The following OTUD1 variants were observed in gnomAD, a reference collection of about 807,000 sequenced individuals.
The protein encoded by OTUD1 is OTU deubiquitinase 1.
OTUD1 carries 15 observed loss-of-function variants against 30.0 expected under a neutral mutation model. That is an observed-to-expected ratio of 0.50 (90% CI 0.33 to 0.77). OTUD1 has a LOEUF of 0.77. Ranked by LOEUF, OTUD1 falls within the 30% of genes least tolerant of loss-of-function variation. The probability of loss-of-function intolerance (pLI) is 0.02; values close to 1 mark genes in which losing one functional copy is unlikely to be tolerated. For missense variants in OTUD1, 796 were observed against 697.8 expected (o/e 1.14, Z -1.59); for synonymous variants, 381 against 326.3 (o/e 1.17, Z -1.81).
rs2132479512 is a variant in OTUD1, at chr10:23,439,203, G to A, written c.-255G>A. On this transcript the variant is annotated 5_prime_UTR_variant, in exon 1 of 1. Transcript: ENST00000376495. Reference sequence around the variant, plus strand: ...AGCGGGCGCGGCGCCCCGGGTCTGCGGGCCGAGCGCACCGGCAGGGGTCGA... The same window carrying A: ...AGCGGGCGCGGCGCCCCGGGTCTGCAGGCCGAGCGCACCGGCAGGGGTCGA... 6.6e-6 allele frequency among the ~76,000 whole-genome samples: 1 copy of A among 151,102 alleles called. No individual in the cohort carries two copies. Among genetic ancestry groups the A allele is most frequent in the Middle Eastern group, 3.5e-3 (1 of 284 alleles).
In OTUD1 at chr10:23,439,747, G is replaced by T; in HGVS notation, c.290G>T (p.Gly97Val). The T allele has an allele frequency of 8.6e-7, 1 of 1,165,196 alleles. No homozygotes were observed. The highest frequency in any genetic ancestry group is 1.1e-6 in the Non-Finnish European group (1 of 948,830). The allele number at this position is 1,165,196 out of a possible 1,614,324, so 72.2% of individuals were successfully genotyped here. A position where few individuals can be genotyped will look rare whatever the true frequency, so the allele number is the denominator to read the frequency against. ...GCCTCCGCCGCCGCCGGCCCGCCCG[G>T]CGCGTCCTGCAAGCCGCCGCTGCCG... is the stretch of plus-strand genomic sequence containing the variant. ...APASAAAGPPGASCKPPLPPH... is the reference protein window; with the variant it reads ...APASAAAGPPVASCKPPLPPH... Residue 97 changes from glycine (G) to valine (V), a missense_variant, in exon 1 of 1, where the codon GGC (glycine) becomes GTC (valine). Physicochemically the swap from Gly to Val is moderately radical, Grantham distance 109. Transcript: ENST00000376495.
chr10:23,439,641 CG>C lies in OTUD1; in HGVS notation c.187del (p.Glu63LysfsTer133). ...CCAGCCCGCCGCGGCCGCCGAGCAC[CG>C]GGAAGCCGCCGCTGTCCCCGCCGCC... ...ECQPAAAAEHREAAAVPAAKM... is the reference protein window; with the variant it reads ...ECQPAAAAEHXEAAAVPAAKM... On this transcript the variant is annotated frameshift_variant, in exon 1 of 1. Transcript: ENST00000376495. LOFTEE classifies it high-confidence loss of function. 1 of 1,299,510 alleles carries C rather than the reference CG, an allele frequency of 7.7e-7. No homozygotes were observed. The highest frequency in any genetic ancestry group is 1.9e-5 in the South Asian group (1 of 53,748). The allele number at this position is 1,299,510 out of a possible 1,614,324, so 80.5% of individuals were successfully genotyped here.
At position 23,439,778 on chromosome 10, in the gene OTUD1, C is replaced by T; in HGVS notation, c.321C>T (p.His107=). 8.6e-7 allele frequency: 1 copy of T among 1,157,652 alleles called. No individual in the cohort carries two copies. Among genetic ancestry groups the T allele is most frequent in the Non-Finnish European group, 1.1e-6 (1 of 942,480 alleles). The allele number at this position is 1,157,652 out of a possible 1,614,324, so 71.7% of individuals were successfully genotyped here. ...CCTGCAAGCCGCCGCTGCCGCCGCA[C>T]TACACGTCCACCGCACAGATCACCG... is the stretch of plus-strand genomic sequence containing the variant. The part of the protein sequence containing the change: ...GASCKPPLPP[H]YTSTAQITVR... The change falls in exon 1 of 1, where the codon CAC becomes CAT. Residue 107 remains histidine (H), a synonymous_variant. Coordinates refer to ENST00000376495, the MANE Select transcript of OTUD1 (RefSeq NM_001145373.3).
rs1847109472 is a variant in OTUD1 at position 23,439,993 on chromosome 10, C to G, written c.536C>G (p.Pro179Arg). 1.5e-6 allele frequency: 2 copies of G among 1,371,416 alleles called. No homozygotes were observed. Among genetic ancestry groups the G allele is most frequent in the African/African-American group, 1.5e-5 (1 of 66,214 alleles). 85.0% of individuals were successfully genotyped at this position (1,371,416 alleles called of 1,614,324 possible). The change falls in exon 1 of 1, where the codon CCC (proline) becomes CGC (arginine). Residue 179 changes from proline to arginine, a missense_variant. By Grantham distance (103) the Pro-to-Arg change is moderately radical. Transcript: ENST00000376495. ...CTGCTGCGGCCCGACTGCCCCGAGC[C>G]CGCGGGCTTGGACGCGACACGGGAG... ...EELLRPDCPE[P>R]AGLDATREGP...
In OTUD1 at chr10:23,439,524, C is replaced by T. The variant is rs1847102083; in HGVS notation, c.67C>T (p.Pro23Ser). 7.3e-7 allele frequency: 1 copy of T among 1,366,136 alleles called. No individual in the cohort carries two copies. The allele number at this position is 1,366,136 out of a possible 1,614,324, so 84.6% of individuals were successfully genotyped here. A position where few individuals can be genotyped will look rare whatever the true frequency, so the allele number is the denominator to read the frequency against. Residue 23 changes from proline (P) to serine (S), a missense_variant, in exon 1 of 1, where the codon CCC (proline) becomes TCC (serine). Pro to Ser is a moderately conservative substitution (Grantham distance 74). Transcript: ENST00000376495. ...AGAPGPTAAA[P>S]APPAAATPFK... ...GGCCCCGGGTCCCACGGCCGCCGCC[C>T]CCGCGCCACCCGCCGCCGCTACCCC...
Position 23,440,147 on chromosome 10 carries a change from G to T in OTUD1, c.690G>T (p.Ala230=), listed in dbSNP as rs757690695. 2 of 1,439,072 alleles carry T rather than the reference G, an allele frequency of 1.4e-6. No individual in the cohort carries two copies. Among genetic ancestry groups the T allele is most frequent in the Non-Finnish European group, 1.8e-6 (2 of 1,102,616 alleles). 89.1% of individuals were successfully genotyped at this position (1,439,072 alleles called of 1,614,324 possible). A position where few individuals can be genotyped will look rare whatever the true frequency, so the allele number is the denominator to read the frequency against. ...GPGPWGEEHL[A]ERGPRGWERG... is the part of the protein sequence containing the mutation. Reference sequence around the variant, plus strand: ...GTCCGTGGGGCGAAGAGCACTTGGCGGAGAGGGGCCCCAGGGGCTGGGAGA... The same window carrying T: ...GTCCGTGGGGCGAAGAGCACTTGGCTGAGAGGGGCCCCAGGGGCTGGGAGA... Residue 230 remains alanine (A), a synonymous_variant, in exon 1 of 1, where the codon GCG becomes GCT. Coordinates refer to ENST00000376495, the MANE Select transcript of OTUD1 (RefSeq NM_001145373.3).
In OTUD1 at chr10:23,439,193, C is replaced by T. The variant is rs1480363193; in HGVS notation, c.-265C>T. 1.3e-5 allele frequency among the ~76,000 whole-genome samples: 2 copies of T among 151,358 alleles called. No homozygotes were observed. Among genetic ancestry groups the T allele is most frequent in the East Asian group, 3.9e-4 (2 of 5,118 alleles). On this transcript the variant is annotated 5_prime_UTR_variant, in exon 1 of 1. Coordinates refer to ENST00000376495, the MANE Select transcript of OTUD1 (RefSeq NM_001145373.3). Reference sequence around the variant, plus strand: ...AAGCAGCTGCAGCGGGCGCGGCGCCCCGGGTCTGCGGGCCGAGCGCACCGG... The same window carrying T: ...AAGCAGCTGCAGCGGGCGCGGCGCCTCGGGTCTGCGGGCCGAGCGCACCGG...
chr10:23,441,200 T>C lies in OTUD1; in HGVS notation c.*297T>C. On this transcript the variant is annotated 3_prime_UTR_variant, in exon 1 of 1. Transcript: ENST00000376495. ...ACAGTGTAAATTTGTTCATTCCTGG[T>C]AGTCTATTTTCTATAAAAATGTATT... is the stretch of plus-strand genomic sequence containing the variant. 1 of 333,752 alleles carries C rather than the reference T, an allele frequency of 3.0e-6. No homozygotes were observed. The highest frequency in any genetic ancestry group is 5.8e-6 in the Non-Finnish European group (1 of 173,164). 20.7% of individuals were successfully genotyped at this position (333,752 alleles called of 1,614,324 possible). A position where few individuals can be genotyped will look rare whatever the true frequency, so the allele number is the denominator to read the frequency against.
rs1847133871 is a variant in OTUD1, at chr10:23,441,981, G to C, written c.*1078G>C. ...TAAACAGAGCTTGTATGGTTTGCTG[G>C]GTCAAACAATGTTTCCAACTTAAAA... is the stretch of plus-strand genomic sequence containing the variant. On this transcript the variant is annotated 3_prime_UTR_variant, in exon 1 of 1. Transcript: ENST00000376495. 1.2e-5 allele frequency: 2 copies of C among 166,924 alleles called. No homozygotes were observed. The highest frequency in any genetic ancestry group is 1.3e-4 in the Admixed American group (2 of 15,272). The allele number at this position is 166,924 out of a possible 1,614,324, so 10.3% of individuals were successfully genotyped here.
chr10:23,439,337 A>C lies in OTUD1; in HGVS notation c.-121A>C. On this transcript the variant is annotated 5_prime_UTR_variant, in exon 1 of 1. Coordinates refer to ENST00000376495, the MANE Select transcript of OTUD1 (RefSeq NM_001145373.3). ...CGCGGCGGCCGGCTGCCTTTCGCTC[A>C]TCTCTATTCTGGGGCCGTTGGGTCA... 1.1e-6 allele frequency: 1 copy of C among 885,920 alleles called. No individual in the cohort carries two copies. The allele number at this position is 885,920 out of a possible 1,614,324, so 54.9% of individuals were successfully genotyped here.
chr10:23,440,467 G>C lies in OTUD1; in HGVS notation c.1010G>C (p.Arg337Pro), dbSNP rs1235079424. 6.4e-7 allele frequency: 1 copy of C among 1,551,730 alleles called. No homozygotes were observed. The highest frequency in any genetic ancestry group is 2.0e-5 in the Admixed American group (1 of 51,012). Residue 337 changes from arginine to proline, a missense_variant, in exon 1 of 1, where the codon CGG becomes CCG. Transcript: ENST00000376495. ...GTGTATGGGGACCAGAGCCTGCACC[G>C]GGAGTTGAGGGAGCAGACGGTGCAC... ...KTVYGDQSLH[R>P]ELREQTVHYI...
rs1847110520 is a variant in OTUD1 at position 23,440,073 on chromosome 10, A to C, written c.616A>C (p.Lys206Gln). 2 of 1,448,644 alleles carry C rather than the reference A, an allele frequency of 1.4e-6. No individual in the cohort carries two copies. Among genetic ancestry groups the C allele is most frequent in the Non-Finnish European group, 1.8e-6 (2 of 1,107,476 alleles). The allele number at this position is 1,448,644 out of a possible 1,614,324, so 89.7% of individuals were successfully genotyped here. A position where few individuals can be genotyped will look rare whatever the true frequency, so the allele number is the denominator to read the frequency against. ...SEHRQALAAA[K>Q]HRGPAATPGS... ...GCACCGCCAGGCCCTGGCCGCCGCCAAGCACCGAGGCCCCGCGGCGACCCC... is the reference window on the plus strand; with the variant it reads ...GCACCGCCAGGCCCTGGCCGCCGCCCAGCACCGAGGCCCCGCGGCGACCCC... The change falls in exon 1 of 1, where the codon AAG (lysine) becomes CAG (glutamine). Residue 206 changes from lysine to glutamine, a missense_variant. Coordinates refer to ENST00000376495, the MANE Select transcript of OTUD1 (RefSeq NM_001145373.3).
Position 23,440,525 on chromosome 10 carries a change from C to T in OTUD1, c.1068C>T (p.Pro356=), listed in dbSNP as rs199930330. The T allele has an allele frequency of 3.0e-4, 470 of 1,551,634 alleles. 1 individual carries two copies. The highest frequency in any genetic ancestry group is 1.0e-4 in the Non-Finnish European group (120 of 1,147,020). The change falls in exon 1 of 1, where the codon CCC becomes CCT. Residue 356 remains proline (P), a synonymous_variant. Coordinates refer to ENST00000376495, the MANE Select transcript of OTUD1 (RefSeq NM_001145373.3). ...YIADHLDHFS[P]LIEGDVGEFI... ...CCGACCATCTCGACCACTTCAGCCC[C>T]CTGATTGAGGGCGACGTGGGGGAGT...
Position 23,442,074 on chromosome 10 carries a change from A to G in OTUD1, c.*1171A>G, listed in dbSNP as rs1216079205. On this transcript the variant is annotated 3_prime_UTR_variant, in exon 1 of 1. Coordinates refer to ENST00000376495, the MANE Select transcript of OTUD1 (RefSeq NM_001145373.3). Reference sequence around the variant, plus strand: ...AAGTAATGCAGTTTGTACTTTTTTTATTTTGTAACATTTTGTGATTTTTTT... The same window carrying G: ...AAGTAATGCAGTTTGTACTTTTTTTGTTTTGTAACATTTTGTGATTTTTTT... The G allele has an allele frequency of 6.0e-6, 1 of 166,902 alleles. No homozygotes were observed. Among genetic ancestry groups the G allele is most frequent in the Non-Finnish European group, 1.5e-5 (1 of 68,086 alleles). The allele number at this position is 166,902 out of a possible 1,614,324, so 10.3% of individuals were successfully genotyped here. A position where few individuals can be genotyped will look rare whatever the true frequency, so the allele number is the denominator to read the frequency against.
At position 23,439,920 on chromosome 10, in the gene OTUD1, G is replaced by T. The variant is rs868315141; in HGVS notation, c.463G>T (p.Ala155Ser). Residue 155 changes from alanine (A) to serine (S), a missense_variant, in exon 1 of 1, where the codon GCC becomes TCC. Coordinates refer to ENST00000376495, the MANE Select transcript of OTUD1 (RefSeq NM_001145373.3). ...RCLLLAPAPA[A>S]PVPPRRGSSA... is the part of the protein sequence containing the mutation. ...CCTCCTGCTCGCCCCGGCGCCCGCAGCCCCGGTCCCGCCGCGGCGGGGCTC... is the reference window on the plus strand; with the variant it reads ...CCTCCTGCTCGCCCCGGCGCCCGCATCCCCGGTCCCGCCGCGGCGGGGCTC... The T allele has an allele frequency of 2.5e-6, 3 of 1,216,756 alleles. No homozygotes were observed. The highest frequency in any genetic ancestry group is 3.4e-5 in the East Asian group (1 of 29,400). The allele number at this position is 1,216,756 out of a possible 1,614,324, so 75.4% of individuals were successfully genotyped here.
In OTUD1 at chr10:23,439,992, C is replaced by G. The variant is rs1198943187; in HGVS notation, c.535C>G (p.Pro179Ala). 2.2e-6 allele frequency: 3 copies of G among 1,368,828 alleles called. No individual in the cohort carries two copies. In the East Asian group the frequency reaches 9.3e-5, roughly 43 times the overall value. 84.8% of individuals were successfully genotyped at this position (1,368,828 alleles called of 1,614,324 possible). Residue 179 changes from proline to alanine, a missense_variant, in exon 1 of 1, where the codon CCC becomes GCC. Coordinates refer to ENST00000376495, the MANE Select transcript of OTUD1 (RefSeq NM_001145373.3). ...EELLRPDCPE[P>A]AGLDATREGP... Reference sequence around the variant, plus strand: ...GCTGCTGCGGCCCGACTGCCCCGAGCCCGCGGGCTTGGACGCGACACGGGA... The same window carrying G: ...GCTGCTGCGGCCCGACTGCCCCGAGGCCGCGGGCTTGGACGCGACACGGGA...
chr10:23,440,046 G>A lies in OTUD1; in HGVS notation c.589G>A (p.Glu197Lys). ...EGPDRNFRLS[E>K]HRQALAAAKH... is the part of the protein sequence containing the mutation. ...GCCCGATCGGAACTTCCGACTGAGC[G>A]AGCACCGCCAGGCCCTGGCCGCCGC... is the stretch of plus-strand genomic sequence containing the variant. Residue 197 changes from glutamate (E) to lysine (K), a missense_variant, in exon 1 of 1, where the codon GAG (glutamate) becomes AAG (lysine). Physicochemically the swap from Glu to Lys is moderately conservative, Grantham distance 56. Transcript: ENST00000376495. 4.1e-6 allele frequency: 6 copies of A among 1,452,784 alleles called. No individual in the cohort carries two copies. Among genetic ancestry groups the A allele is most frequent in the South Asian group, 1.3e-5 (1 of 74,444 alleles). 90.0% of individuals were successfully genotyped at this position (1,452,784 alleles called of 1,614,324 possible).
Position 23,441,217 on chromosome 10 carries a change from A to G in OTUD1, c.*314A>G. The G allele has an allele frequency of 3.5e-6, 1 of 287,188 alleles. No individual in the cohort carries two copies. The highest frequency in any genetic ancestry group is 7.0e-6 in the Non-Finnish European group (1 of 143,786). The allele number at this position is 287,188 out of a possible 1,614,324, so 17.8% of individuals were successfully genotyped here. ...ATTCCTGGTAGTCTATTTTCTATAA[A>G]AATGTATTTTTGCACAACATTTTTA... On this transcript the variant is annotated 3_prime_UTR_variant, in exon 1 of 1. Transcript: ENST00000376495.
chr10:23,440,297 C>T lies in OTUD1; in HGVS notation c.840C>T (p.Val280=), dbSNP rs1205549224. The T allele has an allele frequency of 8.4e-6, 13 of 1,550,746 alleles. No individual in the cohort carries two copies. The highest frequency in any genetic ancestry group is 6.1e-6 in the Non-Finnish European group (7 of 1,146,844). Residue 280 remains valine (V), a synonymous_variant, in exon 1 of 1, where the codon GTC becomes GTT. Transcript: ENST00000376495. ...APSSAAEPVI[V]SRSDPRDEKL... is the part of the protein sequence containing the mutation. Reference sequence around the variant, plus strand: ...GTAGTGCGGCGGAGCCGGTGATCGTCTCCAGGTCGGATCCCAGAGACGAGA... The same window carrying T: ...GTAGTGCGGCGGAGCCGGTGATCGTTTCCAGGTCGGATCCCAGAGACGAGA...
Sources: gnomAD v4.1 joint callset for allele counts (sites outside exome capture counted in the v4.1 genomes callset) on GRCh38, gnomAD v4.1.1 for gene constraint, MANE v1.5 for transcripts, NCBI Gene and HGNC (gene_info 2026-07-23, HGNC 2026-07-21) for gene names.